The following EDA variants were observed in gnomAD, a reference collection of about 807,000 sequenced individuals.
EDA encodes ectodysplasin A, also known as ectodysplasin-A.
Under a neutral mutation model 23.6 loss-of-function variants are expected in EDA, and 2 were observed. The ratio of observed to expected loss-of-function variants is 0.08; its 90% CI spans 0.03 to 0.27. EDA has a LOEUF of 0.27. Ranked by LOEUF, EDA falls within the 10% of genes least tolerant of loss-of-function variation. The probability of loss-of-function intolerance (pLI) is 1.00; values close to 1 mark genes in which losing one functional copy is unlikely to be tolerated. For missense variants in EDA, 229 were observed against 324.2 expected, an observed-to-expected ratio of 0.71 and a Z score of 2.26; for synonymous variants, 131 against 132.0, an observed-to-expected ratio of 0.99 and a Z score of 0.05.
chrX:69,903,156 C>T (rs1431667446), intron 1 of EDA, among the ~76,000 whole-genome samples: 2 of 111,118 alleles, frequency 1.8e-5, no homozygotes, highest in Non-Finnish European at 3.8e-5. Context: ...AGTTTATTTC[C>T]AAGACCAAAT....
intron 1 of EDA, among the ~76,000 whole-genome samples, chrX:69,816,954 C>A (rs1014580047): frequency 2.0e-4 from 22 of 110,861 alleles, no homozygotes; most frequent in Non-Finnish European, 3.6e-4. Context: ...ATGTTAAGTG[C>A]AGCCAGAGAA....
chrX:69,805,701 G>C (rs151242720), intron 1 of EDA, among the ~76,000 whole-genome samples: 1,196 of 111,684 alleles, frequency 0.011, 15 homozygotes, highest in African/African-American at 0.037. Flanking sequence ...AAGCAACCAT[G>C]TGCCCAAGAT....
intron 1 of EDA, among the ~76,000 whole-genome samples, chrX:69,795,113 A>C (rs1188352937): frequency 9.0e-6 from 1 of 111,226 alleles, no homozygotes; most frequent in African/African-American, 3.3e-5. Context: ...AAAAGCTTGA[A>C]CTCTCGGGCT....
intron 2 of EDA, among the ~76,000 whole-genome samples, chrX:69,961,571 A>G (rs1426555279): frequency 1.8e-5 from 2 of 112,196 alleles, no homozygotes; most frequent in African/African-American, 6.5e-5. Flanking sequence ...CTGACTCACC[A>G]TTCAAGAATG....
At chrX:69,891,566 G>A (rs892693553) in intron 1 of EDA, among the ~76,000 whole-genome samples, 1 of 100,607 alleles carries the variant, frequency 9.9e-6, no homozygotes, top group Non-Finnish European at 2.2e-5. Flanking sequence ...TATACACTAT[G>A]GAATACTATG....
At chrX:69,861,961 G>A (rs1001713336) in intron 1 of EDA, among the ~76,000 whole-genome samples, 3 of 111,677 alleles carry the variant, frequency 2.7e-5, no homozygotes, top group South Asian at 3.7e-4. Flanking sequence ...AGTTATCTAC[G>A]GCTGCATAAC....
At chrX:69,902,877 C>A (rs1175173545) in intron 1 of EDA, among the ~76,000 whole-genome samples, 2 of 111,598 alleles carry the variant, frequency 1.8e-5, no homozygotes, top group East Asian at 2.8e-4. Flanking sequence ...ATGGAGCTAG[C>A]AATCATTTAT....
chrX:69,825,694 T>G (rs1392837458), intron 1 of EDA, among the ~76,000 whole-genome samples: 2 of 112,934 alleles, frequency 1.8e-5, no homozygotes, highest in Admixed American at 1.9e-4. Context: ...GTGTCTCTAT[T>G]TCCTTCAGTT....
chrX:69,812,296 C>G (rs970663947), intron 1 of EDA, among the ~76,000 whole-genome samples: 1 of 112,125 alleles, frequency 8.9e-6, no homozygotes, highest in Non-Finnish European at 1.9e-5. Context: ...TCCTATGTAG[C>G]TTTAATGCTA....
chrX:69,774,513 C>A (rs2014724389), intron 1 of EDA, among the ~76,000 whole-genome samples: 1 of 111,707 alleles, frequency 9.0e-6, no homozygotes, highest in African/African-American at 3.2e-5. Context: ...GAGTTATTAT[C>A]TTTTGTTACC....
chrX:69,862,427 A>G (rs1230482257), intron 1 of EDA, among the ~76,000 whole-genome samples: 1 of 111,624 alleles, frequency 9.0e-6, no homozygotes, highest in Non-Finnish European at 1.9e-5. Flanking sequence ...GAAGGAAGGA[A>G]TATTTTTAAA....
At chrX:70,009,714 G>A (rs2031803454) in intron 2 of EDA, among the ~76,000 whole-genome samples, 1 of 111,534 alleles carries the variant, frequency 9.0e-6, no homozygotes, top group Non-Finnish European at 1.9e-5. Context: ...AGCCTCCAGA[G>A]TAGCTGGGAT....
intron 2 of EDA, among the ~76,000 whole-genome samples, chrX:69,996,444 A>G (rs2019658137): frequency 8.9e-6 from 1 of 112,324 alleles, no homozygotes; most frequent in African/African-American, 3.2e-5. Context: ...TAAACAAGGA[A>G]ACATGATAAG....
At chrX:69,822,468 G>C (rs1371216292) in intron 1 of EDA, among the ~76,000 whole-genome samples, 1 of 111,149 alleles carries the variant, frequency 9.0e-6, no homozygotes, top group East Asian at 2.8e-4. Flanking sequence ...CAGTGCTAGA[G>C]AAGAGCATTG....
chrX:69,815,076 A>G (rs1271823660), intron 1 of EDA, among the ~76,000 whole-genome samples: 1 of 111,997 alleles, frequency 8.9e-6, no homozygotes, highest in African/African-American at 3.2e-5. Flanking sequence ...CTTCCACATT[A>G]TCTCACAAGT....
intron 1 of EDA, among the ~76,000 whole-genome samples, chrX:69,919,565 T>C (rs1740675926): frequency 8.9e-6 from 1 of 111,900 alleles, no homozygotes; most frequent in Non-Finnish European, 1.9e-5. Context: ...CACCGGTCTA[T>C]ATAGTTTTAT....
chrX:69,730,554 A>G (rs963928896), intron 1 of EDA, among the ~76,000 whole-genome samples: 4 of 112,042 alleles, frequency 3.6e-5, no homozygotes, highest in African/African-American at 9.7e-5. Context: ...AATCCTTTCT[A>G]GTCTTCAGAC....
intron 1 of EDA, among the ~76,000 whole-genome samples, chrX:69,680,076 G>A (rs1313769888): frequency 9.1e-6 from 1 of 110,029 alleles, no homozygotes; most frequent in African/African-American, 3.3e-5. Flanking sequence ...ATTTCGTTGT[G>A]TACCCAGTAG....
chrX:69,700,554 T>C (rs1444668253), intron 1 of EDA, among the ~76,000 whole-genome samples: 2 of 110,554 alleles, frequency 1.8e-5, no homozygotes, highest in Non-Finnish European at 3.8e-5. Context: ...AGAATTGGTG[T>C]GTTAAAAGGG....
Sources: gnomAD v4.1 joint callset for allele counts (sites outside exome capture counted in the v4.1 genomes callset) on GRCh38, gnomAD v4.1.1 for gene constraint, MANE v1.5 for transcripts, NCBI Gene and HGNC (gene_info 2026-07-23, HGNC 2026-07-21) for gene names.